Variants in GRM5 observed in about 807,000 individuals in gnomAD.
GRM5 encodes the protein metabotropic glutamate receptor 5.
Under a neutral mutation model 83.1 loss-of-function variants are expected in GRM5, and 19 were observed. The observed-to-expected ratio is 0.23, with a 90% CI of 0.16 to 0.34. The LOEUF is 0.34. Among genes scored for constraint, GRM5 ranks in the 10% least tolerant of loss-of-function variants. The pLI is 1.00. For synonymous variants in GRM5, 675 were observed against 633.6 expected (o/e 1.07, Z -0.98); for missense variants, 1,160 against 1,588.3 (o/e 0.73, Z 4.58).
rs555864149 is a variant in GRM5 at position 89,046,042 on chromosome 11, T to G, written c.661+1170A>C. On this transcript the variant is annotated intron_variant, in intron 2 of 9. Coordinates refer to ENST00000305447, the MANE Select transcript of GRM5 (RefSeq NM_001143831.3). ...TTTGTAACATTGTGTCATTTTGAAT[T>G]ATGATTATGTAAGTATTTGTGCATG... Among the ~76,000 whole-genome samples the G allele has an allele frequency of 2.3e-4, 35 of 152,300 alleles. 1 individual carries two copies. The highest frequency in any genetic ancestry group is 2.0e-3 in the Admixed American group (30 of 15,292).
chr11:88,798,238 T>C (rs1943320342), intron 3 of GRM5, among the ~76,000 whole-genome samples: 1 of 152,214 alleles, frequency 6.6e-6, no homozygotes, highest in African/African-American at 2.4e-5. Flanking sequence ...GATATGACAA[T>C]ATCGTTCAAT....
chr11:88,616,107 C>T (rs377173758), intron 4 of GRM5, among the ~76,000 whole-genome samples: 12 of 152,206 alleles, frequency 7.9e-5, no homozygotes, highest in African/African-American at 2.2e-4. Flanking sequence ...ATCTAGCAGA[C>T]TGAGATGATA....
At chr11:88,526,530 G>C (rs976206086) in intron 8 of GRM5, among the ~76,000 whole-genome samples, 7 of 152,204 alleles carry the variant, frequency 4.6e-5, no homozygotes, top group Admixed American at 3.3e-4. Flanking sequence ...CTGGAGCCTG[G>C]TATAACACCA....
At chr11:88,552,082 T>A (rs1942523269) in intron 8 of GRM5, among the ~76,000 whole-genome samples, 2 of 151,480 alleles carry the variant, frequency 1.3e-5, no homozygotes, top group South Asian at 4.2e-4. Context: ...TGGAGTGCAG[T>A]GGCATGACCA....
chr11:88,942,414 A>G (rs1938145526), intron 2 of GRM5, among the ~76,000 whole-genome samples: 1 of 152,028 alleles, frequency 6.6e-6, no homozygotes, highest in African/African-American at 2.4e-5. Flanking sequence ...CAAATAGAAC[A>G]GCAGGAAATA....
chr11:88,590,956 A>G (rs562021780), intron 6 of GRM5, among the ~76,000 whole-genome samples: 33 of 152,306 alleles, frequency 2.2e-4, no homozygotes, highest in Non-Finnish European at 4.0e-4. Flanking sequence ...ATAAAGAATT[A>G]AATTAAATGA....
chr11:88,529,532 G>C (rs1405640095), intron 8 of GRM5, among the ~76,000 whole-genome samples: 1 of 151,808 alleles, frequency 6.6e-6, no homozygotes, highest in Non-Finnish European at 1.5e-5. Context: ...AGGTCAAAGG[G>C]GAAAGCAGAT....
At chr11:88,740,516 T>C (rs1221603878) in intron 3 of GRM5, among the ~76,000 whole-genome samples, 1 of 152,054 alleles carries the variant, frequency 6.6e-6, no homozygotes, top group Admixed American at 6.6e-5. Flanking sequence ...ATAGTAACCA[T>C]AAGAAGTTGG....
rs145672059 is a variant in GRM5 at position 88,684,690 on chromosome 11, G to T, written c.912-31287C>A. Among the ~76,000 whole-genome samples the T allele has an allele frequency of 4.4e-3, 668 of 152,306 alleles. 3 individuals are homozygous for T. The highest frequency in any genetic ancestry group is 7.4e-3 in the Non-Finnish European group (501 of 68,016). ...CATAATTCCCACATGTTGTGGGAGAGACCTGGTGGGAGATAATTTGAATCA... is the reference window on the plus strand; with the variant it reads ...CATAATTCCCACATGTTGTGGGAGATACCTGGTGGGAGATAATTTGAATCA... On this transcript the variant is annotated intron_variant, in intron 3 of 9. Transcript: ENST00000305447.
At chr11:88,871,817 ATTAAAG>A (rs1348051678) in intron 2 of GRM5, among the ~76,000 whole-genome samples, 1 of 151,680 alleles carries the variant, frequency 6.6e-6, no homozygotes, top group East Asian at 1.9e-4. Flanking sequence ...TACATAACTT[ATTAAAG>A]TTATTTACTA....
At chr11:89,044,600 C>A (rs1366662283) in intron 2 of GRM5, among the ~76,000 whole-genome samples, 1 of 152,116 alleles carries the variant, frequency 6.6e-6, no homozygotes, top group Non-Finnish European at 1.5e-5. Flanking sequence ...AGGACCACAT[C>A]TTTTCACAGA....
At chr11:88,648,880 T>C (rs998904688) in intron 4 of GRM5, among the ~76,000 whole-genome samples, 8 of 150,080 alleles carry the variant, frequency 5.3e-5, no homozygotes, top group Non-Finnish European at 8.9e-5. Context: ...TGTAATTGGA[T>C]AGTAGGAGTG....
At chr11:88,836,833 C>T (rs1022477826) in intron 3 of GRM5, among the ~76,000 whole-genome samples, 1 of 151,384 alleles carries the variant, frequency 6.6e-6, no homozygotes, top group South Asian at 2.1e-4. Context: ...CAAACAAAAA[C>T]AAACAAACAA....
chr11:88,815,237 C>G (rs1486554745), intron 3 of GRM5, among the ~76,000 whole-genome samples: 1 of 151,942 alleles, frequency 6.6e-6, no homozygotes, highest in East Asian at 1.9e-4. Context: ...TACTTTTGAC[C>G]ACAATAGAAT....
In GRM5 at chr11:88,751,457, T is replaced by A. The variant is rs12364009; in HGVS notation, c.912-98054A>T. Reference sequence around the variant, plus strand: ...ATAATGAGTTCTGAAATTGAGGGAGTAATAAATAGCCTACCAACCAACAAA... The same window carrying A: ...ATAATGAGTTCTGAAATTGAGGGAGAAATAAATAGCCTACCAACCAACAAA... On this transcript the variant is annotated intron_variant, in intron 3 of 9. Transcript: ENST00000305447. Among the ~76,000 whole-genome samples, 896 of 152,190 alleles carry A rather than the reference T, an allele frequency of 5.9e-3. 9 individuals carry two copies. Among genetic ancestry groups the A allele is most frequent in the Non-Finnish European group, 7.1e-3 (483 of 67,996 alleles).
chr11:88,885,450 G>T (rs941294554), intron 2 of GRM5, among the ~76,000 whole-genome samples: 15 of 62,654 alleles, frequency 2.4e-4, no homozygotes, highest in African/African-American at 3.6e-4. Context: ...TAGGTACCAT[G>T]TTTTTTTTTT....
Position 88,849,937 on chromosome 11 carries a change from C to T in GRM5, c.880G>A (p.Gly294Ser), listed in dbSNP as rs368562373. The change falls in exon 3 of 10, where the codon GGT becomes AGT. Residue 294 changes from glycine to serine, a missense_variant. By Grantham distance (56) the Gly-to-Ser change is moderately conservative. This residue lies in a region of GRM5 where 84 missense variants were observed against 231.0 expected (regional missense o/e 0.36). Transcript: ENST00000305447. Reference sequence around the variant, plus strand: ...AGAAGCAGAAATTCTCCCGCTAGACCCAGGCGCCTCATGGCCATCAGCAGA... The same window carrying T: ...AGAAGCAGAAATTCTCCCGCTAGACTCAGGCGCCTCATGGCCATCAGCAGA... ...RGLLMAMRRL[G>S]LAGEFLLLGS... 1.2e-5 allele frequency: 19 copies of T among 1,613,946 alleles called. No homozygotes were observed. The highest frequency in any genetic ancestry group is 1.4e-5 in the Non-Finnish European group (17 of 1,179,980).
chr11:88,929,490 G>A (rs6483520), intron 2 of GRM5, among the ~76,000 whole-genome samples: 27,073 of 151,832 alleles, frequency 0.18, 4,630 homozygotes, highest in African/African-American at 0.43. Context: ...AAACTCTAAG[G>A]CAATTCTAAT....
intron 2 of GRM5, among the ~76,000 whole-genome samples, chr11:88,918,128 C>T (rs1945625608): frequency 6.6e-6 from 1 of 151,558 alleles, no homozygotes; most frequent in Non-Finnish European, 1.5e-5. Context: ...CATCTGGCAG[C>T]AGACTTAAAG....
Sources: gnomAD v4.1 joint callset for allele counts (sites outside exome capture counted in the v4.1 genomes callset) on GRCh38, gnomAD v4.1.1 for gene constraint, gnomAD v4.1.1 regional missense constraint, MANE v1.5 for transcripts, NCBI Gene and HGNC (gene_info 2026-07-23, HGNC 2026-07-21) for gene names.